Variants in PTPRS observed in about 807,000 individuals in gnomAD.
The protein encoded by PTPRS is receptor-type tyrosine-protein phosphatase S.
In PTPRS, 63 loss-of-function variants were observed where a neutral mutation model predicts 215.3. That is an observed-to-expected ratio of 0.29 (90% CI 0.24 to 0.36). The LOEUF is 0.36. Among genes scored for constraint, PTPRS ranks in the 10% least tolerant of loss-of-function variants. PTPRS has a pLI of 1.00. For synonymous variants in PTPRS, 1,404 were observed against 1,191.4 expected, an observed-to-expected ratio of 1.18 and a Z score of -3.68; for missense variants, 2,258 against 2,825.8, an observed-to-expected ratio of 0.80 and a Z score of 4.56.
At chr19:5,272,564 C>T (rs1333291501) in intron 4 of PTPRS, among the ~76,000 whole-genome samples, 1 of 119,762 alleles carries the variant, frequency 8.3e-6, no homozygotes, top group African/African-American at 3.2e-5. Context: ...TGCCACTGTA[C>T]TCTGGCCAGC....
At chr19:5,221,695 C>T (rs1055789439) in intron 19 of PTPRS, among the ~76,000 whole-genome samples, 2 of 152,172 alleles carry the variant, frequency 1.3e-5, no homozygotes, top group Admixed American at 1.3e-4. Context: ...GACCCCCGAT[C>T]CCAGACTTGG....
intron 1 of PTPRS, among the ~76,000 whole-genome samples, chr19:5,326,362 T>C (rs2050166486): frequency 6.6e-6 from 1 of 152,246 alleles, no homozygotes; most frequent in Non-Finnish European, 1.5e-5. Flanking sequence ...GCTTTCAGCC[T>C]GGAACAGACA....
chr19:5,297,747 TGGCCCTGA>T (rs1357848902), intron 1 of PTPRS, among the ~76,000 whole-genome samples: 1 of 151,464 alleles, frequency 6.6e-6, no homozygotes, highest in East Asian at 1.9e-4. Context: ...GCAAATACGA[TGGCCCTGA>T]GGCTAACCAT....
At chr19:5,218,959 C>A in intron 23 of PTPRS, 161 bp from the exon 24 acceptor site, 1 of 770,408 alleles carries the variant, frequency 1.3e-6, no homozygotes, top group Non-Finnish European at 2.0e-6. Flanking sequence ...CTGTTTGTCC[C>A]CCTGCCTATC....
intron 1 of PTPRS, among the ~76,000 whole-genome samples, chr19:5,321,285 T>C (rs934123139): frequency 3.3e-5 from 5 of 151,472 alleles, no homozygotes; most frequent in Admixed American, 3.3e-4. Flanking sequence ...CAAAGAAAAA[T>C]AAAAAGAATA....
At chr19:5,298,049 C>T (rs2049192446) in intron 1 of PTPRS, among the ~76,000 whole-genome samples, 1 of 152,188 alleles carries the variant, frequency 6.6e-6, no homozygotes, top group African/African-American at 2.4e-5. Flanking sequence ...CCGCCTCGGC[C>T]TCCCAAAGTG....
chr19:5,301,554 GATCCACTC>G (rs2049305110), intron 1 of PTPRS, among the ~76,000 whole-genome samples: 1 of 151,868 alleles, frequency 6.6e-6, no homozygotes, highest in Non-Finnish European at 1.5e-5. Flanking sequence ...GACCTCAGGT[GATCCACTC>G]GCCTCAGCCT....
At chr19:5,264,924 T>C in intron 5 of PTPRS, 84 bp downstream of exon 5, 1 of 1,458,898 alleles carries the variant, frequency 6.9e-7, no homozygotes, top group Non-Finnish European at 9.4e-7. Context: ...CCTCCAGTAG[T>C]CCCCAGAACT....
chr19:5,213,431 A>G (rs979118514), intron 30 of PTPRS, among the ~76,000 whole-genome samples: 8 of 145,642 alleles, frequency 5.5e-5, no homozygotes, highest in Middle Eastern at 3.6e-3. Context: ...TGTCCCCCCA[A>G]ATCTCCCCAT....
chr19:5,267,819 T>C (rs999272835), intron 4 of PTPRS, among the ~76,000 whole-genome samples: 2 of 145,272 alleles, frequency 1.4e-5, no homozygotes, highest in African/African-American at 5.1e-5. Context: ...CTGGTAGGAA[T>C]GCTGGAGTGG....
At chr19:5,306,550 G>A (rs2049500669) in intron 1 of PTPRS, among the ~76,000 whole-genome samples, 1 of 152,052 alleles carries the variant, frequency 6.6e-6, no homozygotes, top group Non-Finnish European at 1.5e-5. Context: ...GCCTCTTCTC[G>A]CCTGTGGTAG....
At chr19:5,227,739 T>G (rs2145565284) in intron 16 of PTPRS, among the ~76,000 whole-genome samples, 1 of 152,202 alleles carries the variant, frequency 6.6e-6, no homozygotes, top group African/African-American at 2.4e-5. Context: ...TTAACATCCC[T>G]CTCACTGAGT....
chr19:5,212,320 G>A lies in PTPRS; in HGVS notation c.4769+17C>T, dbSNP rs764889058. On this transcript the variant is annotated intron_variant, in intron 31 of 37. Coordinates refer to ENST00000262963, the MANE Select transcript of PTPRS (RefSeq NM_002850.4). ...GGACCGGGGGGAAGCGGATGGGGCA[G>A]AGTGGGGTGGACGTACCTGCAGTGA... 5 of 1,613,068 alleles carry A rather than the reference G, an allele frequency of 3.1e-6. No homozygotes were observed. Among genetic ancestry groups the A allele is most frequent in the South Asian group, 1.1e-5 (1 of 91,078 alleles).
At position 5,220,467 on chromosome 19, in the gene PTPRS, A is replaced by G. The variant is rs1200157261; in HGVS notation, c.3456-114T>C. ...CTGAGTCTTCCCTTCTGTTCATACA[A>G]TGAGCCTATTCCCCTATGCCCCATC... On this transcript the variant is annotated intron_variant, in intron 20 of 37. Coordinates refer to ENST00000262963, the MANE Select transcript of PTPRS (RefSeq NM_002850.4). 7.9e-6 allele frequency: 7 copies of G among 888,564 alleles called. No individual in the cohort carries two copies. The East Asian group carries it at 1.8e-4, about 23-fold the overall frequency. The allele number at this position is 888,564 out of a possible 1,614,324, so 55.0% of individuals were successfully genotyped here.
At chr19:5,284,451 C>T (rs1026866725) in intron 2 of PTPRS, among the ~76,000 whole-genome samples, 1 of 151,774 alleles carries the variant, frequency 6.6e-6, no homozygotes, top group African/African-American at 2.4e-5. Flanking sequence ...TGGCTCATGC[C>T]TGCAATCCCA....
intron 5 of PTPRS, among the ~76,000 whole-genome samples, chr19:5,263,702 C>T (rs566154911): frequency 6.6e-6 from 1 of 152,368 alleles, no homozygotes; most frequent in Non-Finnish European, 1.5e-5. Context: ...ATCCCCACCA[C>T]GTGTGTCCCC....
At chr19:5,227,866 C>T (rs2042641503) in intron 16 of PTPRS, among the ~76,000 whole-genome samples, 1 of 152,108 alleles carries the variant, frequency 6.6e-6, no homozygotes, top group African/African-American at 2.4e-5. Flanking sequence ...CACTCCCGGG[C>T]ACGCGGACTT....
chr19:5,213,225 C>G (rs923716759), intron 30 of PTPRS, among the ~76,000 whole-genome samples: 1 of 152,202 alleles, frequency 6.6e-6, no homozygotes, highest in African/African-American at 2.4e-5. Flanking sequence ...CCCAAGCCCC[C>G]CAGTCTGTCC....
chr19:5,309,634 T>G (rs942583883), intron 1 of PTPRS, among the ~76,000 whole-genome samples: 3 of 152,116 alleles, frequency 2.0e-5, no homozygotes, highest in Admixed American at 6.5e-5. Flanking sequence ...CTCACCATCT[T>G]CGCCACCTCA....
Sources: allele counts gnomAD v4.1 joint callset (sites outside exome capture counted in the v4.1 genomes callset), GRCh38; gene constraint gnomAD v4.1.1; transcripts MANE v1.5; gene names NCBI Gene and HGNC (gene_info 2026-07-23, HGNC 2026-07-21).